Variants in DOCK10 observed in about 807,000 individuals in gnomAD.
DOCK10 encodes the protein dedicator of cytokinesis 10, also known as dedicator of cytokinesis protein 10.
In DOCK10, 145 loss-of-function variants were observed where a neutral mutation model predicts 280.1. That is an observed-to-expected ratio of 0.52 (90% confidence interval 0.45 to 0.59). The LOEUF is 0.59. Among genes scored for constraint, DOCK10 ranks in the 20% least tolerant of loss-of-function variants. The probability of loss-of-function intolerance (pLI) is 0.00; values close to 1 mark genes in which losing one functional copy is unlikely to be tolerated. For synonymous variants in DOCK10, 915 were observed against 942.2 expected (o/e 0.97, Z 0.53); for missense variants, 2,368 against 2,651.7 (o/e 0.89, Z 2.35).
chr2:224,988,564 A>G (rs1706035989), intron 1 of DOCK10, among the ~76,000 whole-genome samples: 1 of 152,208 alleles, frequency 6.6e-6, no homozygotes, highest in South Asian at 2.1e-4. Context: ...CCCTCAGAGA[A>G]TCACAGCTAG....
rs1301214347 is a variant in DOCK10, at chr2:224,770,342, C to T, written c.6313G>A (p.Ala2105Thr). 11 of 1,596,988 alleles carry T rather than the reference C, an allele frequency of 6.9e-6. No homozygotes were observed. The highest frequency in any genetic ancestry group is 2.2e-5 in the East Asian group (1 of 44,642). Residue 2105 changes from alanine (A) to threonine (T), a missense_variant, in exon 55 of 56, where the codon GCA (alanine) becomes ACA (threonine). By Grantham distance (58) the Ala-to-Thr change is moderately conservative. Coordinates refer to ENST00000258390, the MANE Select transcript of DOCK10 (RefSeq NM_014689.3). The surrounding 1 kb of genome is among the most constrained non-coding windows in gnomAD (Gnocchi z 4.5). ...TCAAGGGCCTGCCCACATGCATCTG[C>T]AAATTGCCTTTAGCGACAGCATTAA... ...KLLKEIFRQF[A>T]DACGQALDVN...
intron 1 of DOCK10, among the ~76,000 whole-genome samples, chr2:224,935,588 C>G (rs1402197815): frequency 6.6e-6 from 1 of 152,174 alleles, no homozygotes; most frequent in Non-Finnish European, 1.5e-5. Context: ...ATTAAAATCC[C>G]CATGCATTAA....
chr2:224,874,898 C>T lies in DOCK10; in HGVS notation c.932-147G>A. On this transcript the variant is annotated intron_variant, in intron 8 of 55. Transcript: ENST00000258390. ...CTTTCATTGTGTTCTGACTCCTGAACTCCACATTGTTGAGTGATCTGGGCC... is the reference window on the plus strand; with the variant it reads ...CTTTCATTGTGTTCTGACTCCTGAATTCCACATTGTTGAGTGATCTGGGCC... 4 of 679,674 alleles carry T rather than the reference C, an allele frequency of 5.9e-6. No homozygotes were observed. In the South Asian group the frequency reaches 6.8e-5, roughly 12 times the overall value. The allele number at this position is 679,674 out of a possible 1,614,324, so 42.1% of individuals were successfully genotyped here.
At chr2:224,819,757 CAG>C (rs1232500032) in intron 28 of DOCK10, among the ~76,000 whole-genome samples, 2 of 151,830 alleles carry the variant, frequency 1.3e-5, no homozygotes, top group African/African-American at 2.4e-5. Context: ...AATATACTAA[CAG>C]AGAATAGGTA....
intron 2 of DOCK10, among the ~76,000 whole-genome samples, chr2:224,918,959 T>A (rs904017883): frequency 7.0e-6 from 1 of 143,300 alleles, no homozygotes; most frequent in Non-Finnish European, 1.5e-5. Context: ...GTGTGGTGTG[T>A]GTGTGTATGT....
chr2:225,013,554 A>C (rs557430882), intron 1 of DOCK10, among the ~76,000 whole-genome samples: 6 of 152,312 alleles, frequency 3.9e-5, no homozygotes, highest in Admixed American at 1.3e-4. Context: ...AGATCACTCC[A>C]ACCAAAGTGA....
chr2:224,830,654 G>A, intron 26 of DOCK10, 42 bp from the exon 27 acceptor site: 1 of 1,222,236 alleles, frequency 8.2e-7, no homozygotes. Context: ...ATTATCCTAT[G>A]GCAAAATAAT....
chr2:224,931,878 A>G (rs1369252372), intron 1 of DOCK10, among the ~76,000 whole-genome samples: 2 of 152,214 alleles, frequency 1.3e-5, no homozygotes, highest in Non-Finnish European at 2.9e-5. Context: ...AAAATACCTG[A>G]TATCTCCCTC....
intron 1 of DOCK10, chr2:224,982,518 C>A: frequency 8.2e-7 from 1 of 1,223,972 alleles, no homozygotes. Flanking sequence ...TGATCATGGC[C>A]AAATAGCTTG....
chr2:224,864,732 C>A, intron 12 of DOCK10, 57 bp from the exon 13 acceptor site: 1 of 1,577,852 alleles, frequency 6.3e-7, no homozygotes. Context: ...TAGACATTTA[C>A]AAAATTCCAT....
intron 1 of DOCK10, among the ~76,000 whole-genome samples, chr2:224,953,253 T>C (rs1469396386): frequency 6.6e-6 from 1 of 152,274 alleles, no homozygotes; most frequent in Non-Finnish European, 1.5e-5. Flanking sequence ...CATTTGCCAT[T>C]GATTACTTCT....
chr2:225,035,545 TATATATATATATATA>T (rs1559985960), intron 1 of DOCK10, among the ~76,000 whole-genome samples: 1 of 11,512 alleles, frequency 8.7e-5, no homozygotes, highest in African/African-American at 3.1e-4. Context: ...ATATATATTA[TATATATATATATATA>T]TATATATATA....
intron 23 of DOCK10, among the ~76,000 whole-genome samples, 161 bp downstream of exon 23, chr2:224,841,643 A>G (rs1216134997): frequency 1.3e-5 from 2 of 152,378 alleles, no homozygotes; most frequent in East Asian, 1.9e-4. Flanking sequence ...GAAACTATTC[A>G]GAAATTATGA....
intron 1 of DOCK10, among the ~76,000 whole-genome samples, chr2:224,998,731 C>T (rs1253934474): frequency 6.6e-6 from 1 of 152,186 alleles, no homozygotes; most frequent in Non-Finnish European, 1.5e-5. Flanking sequence ...TTCTTCTTTT[C>T]CCATTCACTC....
chr2:224,830,572 G>A lies in DOCK10; in HGVS notation c.3005C>T (p.Ala1002Val). 3 of 1,535,096 alleles carry A rather than the reference G, an allele frequency of 2.0e-6. No homozygotes were observed. The highest frequency in any genetic ancestry group is 2.6e-6 in the Non-Finnish European group (3 of 1,133,136). ...TTTATTTGTGTCAATCAAGTGCTGT[G>A]CCATCGATTTTAGGATAATTGCAAA... Reference protein sequence around the residue: ...FFFAIILKSMAQHLIDTNKIQ... With the variant: ...FFFAIILKSMVQHLIDTNKIQ... Residue 1002 changes from alanine (A) to valine (V), a missense_variant, in exon 27 of 56, where the codon GCA becomes GTA. Coordinates refer to ENST00000258390, the MANE Select transcript of DOCK10 (RefSeq NM_014689.3).
At chr2:224,834,363 C>CT in intron 25 of DOCK10, 100 bp from the exon 26 acceptor site, 1 of 730,970 alleles carries the variant, frequency 1.4e-6, no homozygotes, top group Non-Finnish European at 2.4e-6. Flanking sequence ...ATTATCTGCT[C>CT]ATGCCAGATT....
At chr2:224,855,201 A>C (rs985278517) in intron 15 of DOCK10, among the ~76,000 whole-genome samples, 159 bp from the exon 16 acceptor site, 3 of 152,202 alleles carry the variant, frequency 2.0e-5, no homozygotes, top group African/African-American at 7.2e-5. Context: ...GAATGATTTT[A>C]TTTAGCTAGT....
chr2:224,867,182 G>C (rs377753526), intron 11 of DOCK10, among the ~76,000 whole-genome samples: 1 of 151,906 alleles, frequency 6.6e-6, no homozygotes, highest in South Asian at 2.1e-4. Context: ...CTCTGCTTCC[G>C]ATACAAACAC....
intron 43 of DOCK10, among the ~76,000 whole-genome samples, 174 bp downstream of exon 43, chr2:224,796,790 T>A (rs1363087467): frequency 6.6e-6 from 1 of 152,188 alleles, no homozygotes; most frequent in Non-Finnish European, 1.5e-5. Flanking sequence ...CTCTGCTGAT[T>A]TCTGCCCAGC....
Sources: allele counts gnomAD v4.1 joint callset (sites outside exome capture counted in the v4.1 genomes callset), GRCh38; gene constraint gnomAD v4.1.1; non-coding constraint Gnocchi (gnomAD v3.1); transcripts MANE v1.5; gene names NCBI Gene and HGNC (gene_info 2026-07-23, HGNC 2026-07-21).